The following MICAL3 variants were observed in gnomAD, a reference collection of about 807,000 sequenced individuals.
MICAL3 encodes the protein [F-actin]-monooxygenase MICAL3.
Under a neutral mutation model 207.4 loss-of-function variants are expected in MICAL3, and 62 were observed. The ratio of observed to expected loss-of-function variants is 0.30; its 90% CI spans 0.24 to 0.37. The LOEUF (loss-of-function observed/expected upper bound fraction) is 0.37, where lower values mean the gene tolerates loss of function less well. Ranked by LOEUF, MICAL3 falls within the 10% of genes least tolerant of loss-of-function variation. MICAL3 has a pLI of 1.00. For missense variants in MICAL3, 2,368 were observed against 2,635.6 expected (o/e 0.90, Z 2.22); for synonymous variants, 1,077 against 1,069.3 (o/e 1.01, Z -0.14).
At chr22:17,806,022 G>A (rs190952608) in intron 29 of MICAL3, among the ~76,000 whole-genome samples, 68 of 152,252 alleles carry the variant, frequency 4.5e-4, no homozygotes, top group African/African-American at 1.5e-3. Context: ...GAGCCACCGC[G>A]CCCGGCCCAA....
chr22:17,851,851 G>A (rs953581040), intron 19 of MICAL3, among the ~76,000 whole-genome samples: 4 of 152,198 alleles, frequency 2.6e-5, no homozygotes, highest in Admixed American at 2.0e-4. Context: ...TTCACTTCAC[G>A]GTAGAGAGGA....
intron 19 of MICAL3, chr22:17,863,234 T>G: frequency 1.0e-6 from 1 of 985,436 alleles, no homozygotes; most frequent in Non-Finnish European, 1.2e-6. Flanking sequence ...TGTTTAATTC[T>G]TTTTAAAAAA....
intron 1 of MICAL3, among the ~76,000 whole-genome samples, chr22:17,980,520 C>T (rs141325581): frequency 5.3e-4 from 80 of 152,336 alleles, no homozygotes; most frequent in African/African-American, 1.7e-3. Flanking sequence ...AAACCATCAG[C>T]AGAGTCTTGA....
At chr22:17,954,750 C>CTTT (rs60984165) in intron 1 of MICAL3, among the ~76,000 whole-genome samples, 1 of 144,492 alleles carries the variant, frequency 6.9e-6, no homozygotes. Context: ...AAGTCTTTTC[C>CTTT]TTTTTTTTTT....
At chr22:17,975,587 T>C (rs1190239342) in intron 1 of MICAL3, among the ~76,000 whole-genome samples, 1 of 152,056 alleles carries the variant, frequency 6.6e-6, no homozygotes, top group Non-Finnish European at 1.5e-5. Flanking sequence ...ACGAATTCAT[T>C]TACCCCAATT....
intron 1 of MICAL3, among the ~76,000 whole-genome samples, chr22:17,940,334 G>T (rs1933749390): frequency 1.3e-5 from 2 of 152,180 alleles, no homozygotes; most frequent in South Asian, 4.1e-4. Flanking sequence ...GAGCCCAGGG[G>T]ATCAATGCTG....
At chr22:17,914,414 G>T (rs1932344130) in intron 1 of MICAL3, among the ~76,000 whole-genome samples, 1 of 132,650 alleles carries the variant, frequency 7.5e-6, no homozygotes, top group Admixed American at 8.0e-5. Flanking sequence ...CGCGAGGCAG[G>T]ATGTATGACC....
Position 17,831,908 on chromosome 22 carries a change from A to C in MICAL3, c.3001T>G (p.Tyr1001Asp), listed in dbSNP as rs1922854296. The C allele has an allele frequency of 1.3e-6, 2 of 1,553,902 alleles. No homozygotes were observed. Among genetic ancestry groups the C allele is most frequent in the East Asian group, 2.4e-5 (1 of 41,504 alleles). Residue 1001 changes from tyrosine (Y) to aspartate (D), a missense_variant, in exon 21 of 32, where the codon TAT (tyrosine) becomes GAT (aspartate). Coordinates refer to ENST00000441493, the MANE Select transcript of MICAL3 (RefSeq NM_015241.3). The part of the protein sequence containing the change: ...NEEEEEEEEE[Y>D]EEEEEEDYDE... ...TAGTCCTCCTCCTCCTCCTCTTCAT[A>C]TTCTTCCTCCTCCTCCTCCTCCTCT...
intron 20 of MICAL3, among the ~76,000 whole-genome samples, chr22:17,835,717 C>T (rs1380740883): frequency 6.6e-6 from 1 of 152,228 alleles, no homozygotes; most frequent in South Asian, 2.1e-4. Context: ...GGGGTCAGAT[C>T]TAGTCATCAG....
chr22:17,976,810 CTTT>C (rs1197811898), intron 1 of MICAL3, among the ~76,000 whole-genome samples: 1 of 119,984 alleles, frequency 8.3e-6, no homozygotes. Flanking sequence ...GAGACTTCTT[CTTT>C]TTTTTTTTTT....
rs546339399 is a variant in MICAL3 at position 17,908,141 on chromosome 22, T to G, written c.-74-1255A>C. ...AAGGACAAAGGACAAAACTAGTGAG[T>G]AGAGAGTGGGTCAGGGTGACAAGAC... On this transcript the variant is annotated intron_variant, in intron 1 of 31. Coordinates refer to ENST00000441493, the MANE Select transcript of MICAL3 (RefSeq NM_015241.3). Among the ~76,000 whole-genome samples, 19 of 151,958 alleles carry G rather than the reference T, an allele frequency of 1.3e-4. 1 individual carries two copies. Among genetic ancestry groups the G allele is most frequent in the Middle Eastern group, 3.4e-3 (1 of 294 alleles).
chr22:17,817,628 T>G lies in MICAL3; in HGVS notation c.5033A>C (p.Asp1678Ala). 1 of 1,612,846 alleles carries G rather than the reference T, an allele frequency of 6.2e-7. No homozygotes were observed. The highest frequency in any genetic ancestry group is 1.1e-5 in the South Asian group (1 of 91,066). Residue 1678 changes from aspartate (D) to alanine (A), a missense_variant, in exon 26 of 32, where the codon GAC (aspartate) becomes GCC (alanine). Around this residue, in one of 4 missense-constraint regions of MICAL3, gnomAD observed 1,770 missense variants for 1,863.2 expected, o/e 0.95. Coordinates refer to ENST00000441493, the MANE Select transcript of MICAL3 (RefSeq NM_015241.3). ...GAAAGAGCCATCTGGGCCCCCTGAG[T>G]CCGACGGCGGGGAGAGGACCTCCTC... ...TSEEVLSPPS[D>A]SGGPDGSFTS...
intron 1 of MICAL3, among the ~76,000 whole-genome samples, chr22:17,926,668 GCCT>G: frequency 6.6e-6 from 1 of 152,194 alleles, no homozygotes; most frequent in Non-Finnish European, 1.5e-5. Flanking sequence ...CCAGGTGTTG[GCCT>G]CCACACCGCT....
rs144553080 is a variant in MICAL3 at position 17,899,320 on chromosome 22, G to C, written c.948+128C>G. 1.0e-4 allele frequency: 74 copies of C among 725,672 alleles called. No individual in the cohort carries two copies. The African/African-American group carries it at 1.2e-3, about 11-fold the overall frequency. The allele number at this position is 725,672 out of a possible 1,614,324, so 45.0% of individuals were successfully genotyped here. ...TCACGCTAAACTGGAAAACATCAGG[G>C]GTTACCAGAAGATGCATTCAGTGCT... On this transcript the variant is annotated intron_variant, in intron 7 of 31. Transcript: ENST00000441493.
In MICAL3 at chr22:17,817,631, G is replaced by A. The variant is rs763794341; in HGVS notation, c.5030C>T (p.Ser1677Leu). Reference protein sequence around the residue: ...ATSEEVLSPPSDSGGPDGSFT... With the variant: ...ATSEEVLSPPLDSGGPDGSFT... ...AGAGCCATCTGGGCCCCCTGAGTCC[G>A]ACGGCGGGGAGAGGACCTCCTCGCT... is the stretch of plus-strand genomic sequence containing the variant. Residue 1677 changes from serine to leucine, a missense_variant, in exon 26 of 32, where the codon TCG becomes TTG. Physicochemically the swap from Ser to Leu is moderately radical, Grantham distance 145. Transcript: ENST00000441493. The A allele has an allele frequency of 1.3e-5, 21 of 1,612,766 alleles. 1 individual carries two copies. The highest frequency in any genetic ancestry group is 1.1e-4 in the South Asian group (10 of 91,072).
chr22:17,879,297 C>T (rs201759874), intron 16 of MICAL3: 11 of 1,535,460 alleles, frequency 7.2e-6, no homozygotes, highest in South Asian at 4.8e-5. Context: ...CAGCGTGCCC[C>T]GTGTGCTTGG....
chr22:17,788,594 G>A lies in MICAL3; in HGVS notation c.*2138C>T, dbSNP rs1329280211. ...ACGTCCAATTTTATGGGACGACTGG[G>A]GTTTGAAGATGGAATCTAGAAACCC... On this transcript the variant is annotated 3_prime_UTR_variant, in exon 32 of 32. Coordinates refer to ENST00000441493, the MANE Select transcript of MICAL3 (RefSeq NM_015241.3). 1 of 152,248 alleles carries A rather than the reference G, an allele frequency of 6.6e-6. No individual in the cohort carries two copies. Among genetic ancestry groups the A allele is most frequent in the African/African-American group, 2.4e-5 (1 of 41,464 alleles). The allele number at this position is 152,248 out of a possible 1,614,324, so 9.4% of individuals were successfully genotyped here.
intron 1 of MICAL3, among the ~76,000 whole-genome samples, chr22:17,927,113 T>C (rs1218168548): frequency 2.0e-5 from 3 of 152,190 alleles, no homozygotes; most frequent in Non-Finnish European, 4.4e-5. Flanking sequence ...CAGCCCATGG[T>C]TGTCACCATT....
chr22:17,910,440 C>CT (rs1932051104), intron 1 of MICAL3, among the ~76,000 whole-genome samples: 1 of 152,208 alleles, frequency 6.6e-6, no homozygotes. Flanking sequence ...AGTGAAAACA[C>CT]TTTTAAATTA....
Sources: gnomAD v4.1 joint callset for allele counts (sites outside exome capture counted in the v4.1 genomes callset) on GRCh38, gnomAD v4.1.1 for gene constraint, gnomAD v4.1.1 regional missense constraint, MANE v1.5 for transcripts, NCBI Gene and HGNC (gene_info 2026-07-23, HGNC 2026-07-21) for gene names.